The following GNAO1 variants were observed in gnomAD, a reference collection of about 807,000 sequenced individuals.
The protein encoded by GNAO1 is guanine nucleotide-binding protein G(o) subunit alpha.
For missense variants in GNAO1, 166 were observed against 478.7 expected, an observed-to-expected ratio of 0.35 and a Z score of 6.10; for synonymous variants, 164 against 180.7, an observed-to-expected ratio of 0.91 and a Z score of 0.74.
intron 3 of GNAO1, among the ~76,000 whole-genome samples, chr16:56,287,414 C>T (rs2037183902): frequency 6.6e-6 from 1 of 152,256 alleles, no homozygotes; most frequent in Non-Finnish European, 1.5e-5. Flanking sequence ...ACCTGACTGA[C>T]TGACCCTCAG....
chr16:56,310,204 CGTAGTCCTAG>C (rs2037441872), intron 3 of GNAO1, among the ~76,000 whole-genome samples: 2 of 152,038 alleles, frequency 1.3e-5, no homozygotes. Context: ...GGTGTGCTCC[CGTAGTCCTAG>C]GTACTCGCAG....
At chr16:56,202,646 G>T (rs2036291155) in intron 2 of GNAO1, among the ~76,000 whole-genome samples, 1 of 152,228 alleles carries the variant, frequency 6.6e-6, no homozygotes, top group Non-Finnish European at 1.5e-5. Flanking sequence ...GGACAGTAAG[G>T]ATGGGAAGTC....
intron 2 of GNAO1, among the ~76,000 whole-genome samples, chr16:56,259,681 G>A (rs2036885365): frequency 1.3e-5 from 2 of 152,214 alleles, no homozygotes; most frequent in African/African-American, 4.8e-5. Context: ...TGCTGGGAGT[G>A]GTCTGCAGAA....
chr16:56,253,682 G>C (rs538219688), intron 2 of GNAO1, among the ~76,000 whole-genome samples: 3 of 152,206 alleles, frequency 2.0e-5, no homozygotes, highest in Non-Finnish European at 4.4e-5. Context: ...CTCAAGTTCA[G>C]TCCCTGTGGG....
At chr16:56,241,661 A>G (rs1465418398) in intron 2 of GNAO1, among the ~76,000 whole-genome samples, 1 of 152,238 alleles carries the variant, frequency 6.6e-6, no homozygotes, top group Non-Finnish European at 1.5e-5. Flanking sequence ...TACCAAGCAA[A>G]TGAAGCATAA....
At chr16:56,324,341 C>T (rs2037608362) in intron 3 of GNAO1, among the ~76,000 whole-genome samples, 1 of 152,196 alleles carries the variant, frequency 6.6e-6, no homozygotes. Context: ...GGTCTTGCCT[C>T]GCAGGCGTCC....
intron 2 of GNAO1, among the ~76,000 whole-genome samples, chr16:56,228,178 C>T (rs975329845): frequency 1.3e-5 from 2 of 152,168 alleles, no homozygotes; most frequent in South Asian, 2.1e-4. Flanking sequence ...CATCTGCCTC[C>T]GTCTGCACAG....
chr16:56,277,786 C>CAA (rs1286443850), intron 3 of GNAO1, among the ~76,000 whole-genome samples: 2 of 24,510 alleles, frequency 8.2e-5, no homozygotes, highest in East Asian at 1.2e-3. Context: ...TACACACACA[C>CAA]ACACACACAC....
intron 3 of GNAO1, among the ~76,000 whole-genome samples, chr16:56,284,075 C>A (rs1480195523): frequency 6.6e-6 from 1 of 152,202 alleles, no homozygotes; most frequent in Non-Finnish European, 1.5e-5. Flanking sequence ...CATTTTCTTT[C>A]ATTCAGTTGG....
chr16:56,232,554 T>A (rs1346810614), intron 2 of GNAO1, among the ~76,000 whole-genome samples: 1 of 152,220 alleles, frequency 6.6e-6, no homozygotes, highest in Non-Finnish European at 1.5e-5. Flanking sequence ...CAACAGCTCT[T>A]TTTGTGTAAT....
intron 2 of GNAO1, among the ~76,000 whole-genome samples, chr16:56,268,097 G>A (rs1286835389): frequency 1.3e-5 from 2 of 152,226 alleles, no homozygotes; most frequent in Admixed American, 6.5e-5. Flanking sequence ...TCCCTGCTCT[G>A]CCACAAACTA....
At chr16:56,275,859 C>G (rs1462149102) in intron 2 of GNAO1, 72 bp from the exon 3 acceptor site, 21 of 1,369,212 alleles carry the variant, frequency 1.5e-5, no homozygotes, top group Non-Finnish European at 2.0e-5. Flanking sequence ...GCCAGTGCGT[C>G]TCATGCCTGT....
chr16:56,227,399 C>T (rs2036541614), intron 2 of GNAO1, among the ~76,000 whole-genome samples: 1 of 152,114 alleles, frequency 6.6e-6, no homozygotes, highest in African/African-American at 2.4e-5. Context: ...GAGTGAGCAC[C>T]TGGTTCCCAC....
chr16:56,343,612 A>G, intron 6 of GNAO1: 1 of 594,698 alleles, frequency 1.7e-6, no homozygotes, highest in Non-Finnish European at 3.0e-6. Context: ...AACTTTGCTG[A>G]CCCCTCAGGT....
chr16:56,217,978 A>G (rs1596802534), intron 2 of GNAO1, among the ~76,000 whole-genome samples: 1 of 152,334 alleles, frequency 6.6e-6, no homozygotes, highest in East Asian at 1.9e-4. Context: ...TCCTAGGAGG[A>G]AAGAGGCATT....
At chr16:56,224,021 C>T (rs1210075461) in intron 2 of GNAO1, among the ~76,000 whole-genome samples, 2 of 152,190 alleles carry the variant, frequency 1.3e-5, no homozygotes, top group African/African-American at 4.8e-5. Context: ...AGCCTTTCAT[C>T]TTATACCTGG....
At chr16:56,298,033 A>C (rs1224447312) in intron 3 of GNAO1, among the ~76,000 whole-genome samples, 1 of 151,964 alleles carries the variant, frequency 6.6e-6, no homozygotes, top group Non-Finnish European at 1.5e-5. Context: ...TTAGCCAGCC[A>C]TGGTGGTGCG....
intron 2 of GNAO1, among the ~76,000 whole-genome samples, chr16:56,266,962 C>T (rs2036959843): frequency 6.6e-6 from 1 of 152,208 alleles, no homozygotes; most frequent in South Asian, 2.1e-4. Flanking sequence ...CCAGCCGCCA[C>T]CGTGTCCACA....
intron 2 of GNAO1, among the ~76,000 whole-genome samples, chr16:56,202,998 G>A (rs2143305305): frequency 6.6e-6 from 1 of 152,296 alleles, no homozygotes; most frequent in East Asian, 1.9e-4. Context: ...CTTTAGGGGA[G>A]GCCTCGTACT....
Sources: gnomAD v4.1 joint callset for allele counts (sites outside exome capture counted in the v4.1 genomes callset) on GRCh38, gnomAD v4.1.1 for gene constraint, MANE v1.5 for transcripts, NCBI Gene and HGNC (gene_info 2026-07-23, HGNC 2026-07-21) for gene names.